The following LPP variants were observed in gnomAD, a reference collection of about 807,000 sequenced individuals.
The protein encoded by LPP is lipoma-preferred partner.
A neutral mutation model predicts 60.4 loss-of-function variants in LPP; 38 were observed. That is an observed-to-expected ratio of 0.63 (90% CI 0.49 to 0.83). LPP has a LOEUF of 0.83. Ranked by LOEUF, LPP falls within the 40% of genes least tolerant of loss-of-function variation. The pLI is 0.00. For synonymous variants in LPP, 328 were observed against 290.8 expected (o/e 1.13, Z -1.30); for missense variants, 902 against 783.6 (o/e 1.15, Z -1.80).
chr3:188,313,183 A>G (rs1753993830), intron 2 of LPP, among the ~76,000 whole-genome samples: 1 of 152,096 alleles, frequency 6.6e-6, no homozygotes, highest in South Asian at 2.1e-4. Context: ...TTTCTGTTCT[A>G]TTCATCTGTC....
chr3:188,796,305 A>G (rs1250854298), intron 9 of LPP, among the ~76,000 whole-genome samples: 1 of 152,214 alleles, frequency 6.6e-6, no homozygotes, highest in Non-Finnish European at 1.5e-5. Context: ...GTCAGAGCTC[A>G]GAGACTGAGG....
At chr3:188,462,951 A>G (rs951261681) in intron 4 of LPP, among the ~76,000 whole-genome samples, 1 of 151,996 alleles carries the variant, frequency 6.6e-6, no homozygotes, top group Non-Finnish European at 1.5e-5. Context: ...TACTAAAAAT[A>G]CAAAATTAGC....
intron 3 of LPP, among the ~76,000 whole-genome samples, chr3:188,374,965 C>A (rs527687449): frequency 6.6e-6 from 1 of 152,110 alleles, no homozygotes; most frequent in Non-Finnish European, 1.5e-5. Flanking sequence ...TTGAGATAAT[C>A]ATGTGGTTTT....
At chr3:188,661,207 T>C (rs1275869579) in intron 7 of LPP, among the ~76,000 whole-genome samples, 1 of 152,210 alleles carries the variant, frequency 6.6e-6, no homozygotes, top group African/African-American at 2.4e-5. Context: ...TTTTATTATA[T>C]AGATGTCCAC....
intron 3 of LPP, among the ~76,000 whole-genome samples, chr3:188,385,688 G>A (rs1281674409): frequency 6.6e-6 from 1 of 152,108 alleles, no homozygotes; most frequent in Non-Finnish European, 1.5e-5. Flanking sequence ...TCTTTACCAG[G>A]CGTTGTGGAA....
intron 2 of LPP, among the ~76,000 whole-genome samples, chr3:188,324,803 T>G (rs1182679562): frequency 1.3e-5 from 2 of 152,152 alleles, no homozygotes; most frequent in African/African-American, 2.4e-5. Flanking sequence ...TGCTGTAGTA[T>G]CTGCAGAAGG....
rs1189435488 is a variant in LPP, at chr3:188,808,835, C to T, written c.1410+48553C>T. ...GTCCTGATGGTCTCCCTCCCTTTGC[C>T]CCCATCCCCCAACAGGCTCAGATGT... On this transcript the variant is annotated intron_variant, in intron 9 of 11. Coordinates refer to ENST00000617246, the MANE Select transcript of LPP (RefSeq NM_001375462.1). Among the ~76,000 whole-genome samples, 4 of 152,216 alleles carry T rather than the reference C, an allele frequency of 2.6e-5. No homozygotes were observed. In the East Asian group the frequency reaches 7.7e-4, roughly 29 times the overall value.
chr3:188,389,618 A>G (rs181885143), intron 3 of LPP, among the ~76,000 whole-genome samples: 2 of 152,196 alleles, frequency 1.3e-5, no homozygotes, highest in Non-Finnish European at 2.9e-5. Context: ...TGTACTAAAA[A>G]TACTAAAGTT....
intron 2 of LPP, among the ~76,000 whole-genome samples, chr3:188,309,597 T>G (rs1312603368): frequency 6.6e-6 from 1 of 152,086 alleles, no homozygotes; most frequent in East Asian, 1.9e-4. Context: ...TCTCCAGAAT[T>G]AGTTGTGTCC....
chr3:188,707,369 T>C lies in LPP; in HGVS notation c.1114-898T>C, dbSNP rs371200122. Among the ~76,000 whole-genome samples the C allele has an allele frequency of 9.2e-5, 14 of 152,248 alleles. 1 individual carries two copies. The highest frequency in any genetic ancestry group is 3.9e-4 in the East Asian group (2 of 5,164). On this transcript the variant is annotated intron_variant, in intron 7 of 11. Transcript: ENST00000617246. Reference sequence around the variant, plus strand: ...ACAGGGGATGAGGGATAAAAGACTATACATTTTATATGGAGTCTTTGATCC... The same window carrying C: ...ACAGGGGATGAGGGATAAAAGACTACACATTTTATATGGAGTCTTTGATCC...
At chr3:188,176,712 C>A (rs1182624341) in intron 1 of LPP, among the ~76,000 whole-genome samples, 2 of 152,120 alleles carry the variant, frequency 1.3e-5, no homozygotes, top group Non-Finnish European at 1.5e-5. Flanking sequence ...CATCTGTAAA[C>A]AAAGACAGTC....
At chr3:188,381,712 C>G (rs1776948018) in intron 3 of LPP, among the ~76,000 whole-genome samples, 1 of 152,098 alleles carries the variant, frequency 6.6e-6, no homozygotes, top group South Asian at 2.1e-4. Flanking sequence ...CTTTTGAGAG[C>G]TTTTCAAATG....
chr3:188,698,561 T>A lies in LPP; in HGVS notation c.1114-9706T>A, dbSNP rs932043379. Among the ~76,000 whole-genome samples, 3 of 151,854 alleles carry A rather than the reference T, an allele frequency of 2.0e-5. No individual in the cohort carries two copies. In the East Asian group the frequency reaches 5.9e-4, roughly 30 times the overall value. On this transcript the variant is annotated intron_variant, in intron 7 of 11. Transcript: ENST00000617246. ...AGGGAAGGAACCCTGAAATGAGAAC[T>A]GTGAATAAGGTTGGCAGGAGATCTT...
At chr3:188,782,387 A>G (rs1188368139) in intron 9 of LPP, among the ~76,000 whole-genome samples, 1 of 152,158 alleles carries the variant, frequency 6.6e-6, no homozygotes, top group Non-Finnish European at 1.5e-5. Flanking sequence ...TACTTCCTAC[A>G]TTGTGAAAGG....
rs148113707 is a variant in LPP at position 188,491,154 on chromosome 3, A to G, written c.306+6450A>G. 3.9e-5 allele frequency among the ~76,000 whole-genome samples: 6 copies of G among 152,202 alleles called. No homozygotes were observed. In the East Asian group the frequency reaches 1.2e-3, roughly 29 times the overall value. On this transcript the variant is annotated intron_variant, in intron 5 of 11. Coordinates refer to ENST00000617246, the MANE Select transcript of LPP (RefSeq NM_001375462.1). ...TTATTTTTAGACATAAGGAACTCAA[A>G]CCTACAGTATGGCCACATTCATTCA...
intron 7 of LPP, among the ~76,000 whole-genome samples, chr3:188,635,073 A>C (rs529866689): frequency 1.2e-3 from 185 of 152,176 alleles, no homozygotes; most frequent in Non-Finnish European, 2.4e-3. Flanking sequence ...AAGAGTTACA[A>C]CTAGAGTAAA....
chr3:188,725,932 G>A (rs980427836), intron 8 of LPP, among the ~76,000 whole-genome samples: 1 of 152,044 alleles, frequency 6.6e-6, no homozygotes, highest in African/African-American at 2.4e-5. Flanking sequence ...TAGGGACAAA[G>A]GTATAGAGAC....
chr3:188,823,158 T>C (rs1225450351), intron 9 of LPP, among the ~76,000 whole-genome samples: 2 of 152,180 alleles, frequency 1.3e-5, no homozygotes, highest in African/African-American at 2.4e-5. Flanking sequence ...TTTCTTAGCC[T>C]TTCTAGAAGA....
At chr3:188,167,128 TAA>T (rs1560076254) in intron 1 of LPP, among the ~76,000 whole-genome samples, 1 of 152,212 alleles carries the variant, frequency 6.6e-6, no homozygotes, top group African/African-American at 2.4e-5. Flanking sequence ...TCCTCATCTC[TAA>T]AAGAGTGTAA....
Sources: gnomAD v4.1 joint callset for allele counts (sites outside exome capture counted in the v4.1 genomes callset) on GRCh38, gnomAD v4.1.1 for gene constraint, MANE v1.5 for transcripts, NCBI Gene and HGNC (gene_info 2026-07-23, HGNC 2026-07-21) for gene names.